The following IKZF2 variants were observed in gnomAD, a reference collection of about 807,000 sequenced individuals.
IKZF2 encodes the protein IKAROS family zinc finger 2, also known as zinc finger protein Helios.
Under a neutral mutation model 49.2 loss-of-function variants are expected in IKZF2, and 15 were observed. The observed-to-expected ratio is 0.30, with a 90% CI of 0.20 to 0.47. IKZF2 has a LOEUF of 0.47. Among genes scored for constraint, IKZF2 ranks in the 20% least tolerant of loss-of-function variants. IKZF2 has a pLI of 1.00. For synonymous variants in IKZF2, 227 were observed against 221.4 expected (o/e 1.03, Z -0.23); for missense variants, 567 against 664.6 (o/e 0.85, Z 1.61).
At chr2:213,081,664 ATG>A (rs1703968875) in intron 4 of IKZF2, among the ~76,000 whole-genome samples, 1 of 152,200 alleles carries the variant, frequency 6.6e-6, no homozygotes, top group African/African-American at 2.4e-5. Context: ...GGGGAATAAC[ATG>A]TGCGAATGCA....
chr2:213,101,251 T>C (rs1706623950), intron 4 of IKZF2, among the ~76,000 whole-genome samples: 1 of 152,130 alleles, frequency 6.6e-6, no homozygotes, highest in Non-Finnish European at 1.5e-5. Flanking sequence ...AATGTTTTCA[T>C]TAGTTATTTA....
At chr2:213,051,336 C>T (rs1700655981) in intron 5 of IKZF2, among the ~76,000 whole-genome samples, 3 of 151,836 alleles carry the variant, frequency 2.0e-5, no homozygotes, top group Admixed American at 1.3e-4. Context: ...TAATGAGGTA[C>T]ATACCAAAAA....
At chr2:213,023,793 C>T (rs936212762) in intron 6 of IKZF2, among the ~76,000 whole-genome samples, 1 of 152,162 alleles carries the variant, frequency 6.6e-6, no homozygotes, top group African/African-American at 2.4e-5. Context: ...TAATAGCCCG[C>T]TGTAAACTAC....
intron 4 of IKZF2, among the ~76,000 whole-genome samples, chr2:213,067,714 T>C (rs1465814589): frequency 1.3e-5 from 2 of 152,110 alleles, no homozygotes; most frequent in African/African-American, 2.4e-5. Flanking sequence ...ACAAGACAGA[T>C]ACATTCCCTG....
At chr2:213,091,877 G>A (rs1393637828) in intron 4 of IKZF2, among the ~76,000 whole-genome samples, 1 of 151,616 alleles carries the variant, frequency 6.6e-6, no homozygotes, top group Non-Finnish European at 1.5e-5. Context: ...GTGAAAGAGA[G>A]TATAAGCTGT....
intron 6 of IKZF2, among the ~76,000 whole-genome samples, chr2:213,028,163 C>A (rs969597873): frequency 5.9e-5 from 9 of 151,972 alleles, no homozygotes; most frequent in Non-Finnish European, 1.0e-4. Flanking sequence ...TCCTTTCCCC[C>A]CTTAAATTAT....
chr2:213,047,220 T>C (rs1301973579), intron 6 of IKZF2, among the ~76,000 whole-genome samples: 1 of 152,192 alleles, frequency 6.6e-6, no homozygotes, highest in African/African-American at 2.4e-5. Flanking sequence ...AGGAAACTCC[T>C]TTTTATGGCA....
chr2:213,124,616 C>T (rs2060197005), intron 4 of IKZF2, among the ~76,000 whole-genome samples: 1 of 152,246 alleles, frequency 6.6e-6, no homozygotes, highest in South Asian at 2.1e-4. Flanking sequence ...ACTTTCTCTG[C>T]TCTCAAGAGT....
At chr2:213,087,887 T>G (rs1574798242) in intron 4 of IKZF2, among the ~76,000 whole-genome samples, 1 of 152,258 alleles carries the variant, frequency 6.6e-6, no homozygotes, top group Admixed American at 6.5e-5. Context: ...TGCCACATTT[T>G]CTTAATCCAG....
chr2:213,009,429 A>T (rs536924918), intron 8 of IKZF2, among the ~76,000 whole-genome samples: 37 of 152,104 alleles, frequency 2.4e-4, no homozygotes, highest in Non-Finnish European at 5.1e-4. Context: ...CTTCTTAAAA[A>T]CATATGTGGG....
intron 4 of IKZF2, among the ~76,000 whole-genome samples, chr2:213,116,718 G>T (rs1397447073): frequency 6.6e-6 from 1 of 152,166 alleles, no homozygotes; most frequent in Admixed American, 6.5e-5. Flanking sequence ...AAGCCTGGGT[G>T]ACAGAGTGAG....
chr2:213,119,862 G>A (rs2059993922), intron 4 of IKZF2, among the ~76,000 whole-genome samples: 1 of 152,186 alleles, frequency 6.6e-6, no homozygotes, highest in South Asian at 2.1e-4. Context: ...TTAGTTAGTA[G>A]TCAGTAAGTA....
chr2:213,063,454 G>A (rs1336871733), intron 4 of IKZF2, among the ~76,000 whole-genome samples: 1 of 151,822 alleles, frequency 6.6e-6, no homozygotes, highest in South Asian at 2.1e-4. Flanking sequence ...TCAGCCACTA[G>A]TACCATCTAA....
chr2:213,052,595 G>T lies in IKZF2; in HGVS notation c.407-2715C>A, dbSNP rs888735958. ...TTTATTGTGTTCCAAACTAAAGTTA[G>T]TTGGAATCATAATGAAACCCTCAAA... On this transcript the variant is annotated intron_variant, in intron 5 of 8. Transcript: ENST00000434687. Among the ~76,000 whole-genome samples the T allele has an allele frequency of 4.6e-5, 7 of 152,066 alleles. No homozygotes were observed. The East Asian group carries it at 1.4e-3, about 29-fold the overall frequency.
intron 7 of IKZF2, among the ~76,000 whole-genome samples, chr2:213,015,440 G>T (rs1056350882): frequency 1.3e-5 from 2 of 151,998 alleles, no homozygotes; most frequent in Non-Finnish European, 2.9e-5. Context: ...TATGTCCCAA[G>T]ATATTATGTA....
intron 6 of IKZF2, among the ~76,000 whole-genome samples, chr2:213,041,265 G>T (rs980029017): frequency 5.4e-5 from 8 of 148,978 alleles, no homozygotes; most frequent in Non-Finnish European, 3.0e-5. Context: ...TTTATGTAAT[G>T]TATCTCTGGG....
intron 8 of IKZF2, among the ~76,000 whole-genome samples, chr2:213,009,130 C>T (rs1214040492): frequency 6.6e-6 from 1 of 152,160 alleles, no homozygotes; most frequent in East Asian, 1.9e-4. Context: ...CTGGTACGTA[C>T]ACCCATTGCT....
At chr2:213,027,607 T>C (rs1559178616) in intron 6 of IKZF2, among the ~76,000 whole-genome samples, 1 of 152,134 alleles carries the variant, frequency 6.6e-6, no homozygotes, top group African/African-American at 2.4e-5. Context: ...TATCCAGAAC[T>C]TTCCTTTGTC....
chr2:213,147,710 C>T lies in IKZF2; in HGVS notation c.137G>A (p.Ser46Asn), dbSNP rs765175703. ...AAAATCATAAAATGAAGACTTACTG[C>T]TTGTCATGTGACTTGGTGAGGCATG... ...GQHASPSHMT[S>N]TNSVKLEMQS... The change falls in exon 4 of 9, where the codon AGC (serine) becomes AAC (asparagine). Residue 46 changes from serine (S) to asparagine (N), a missense_variant and splice_region_variant. Around this residue, in one of 5 missense-constraint regions of IKZF2, gnomAD observed 156 missense variants for 138.5 expected, o/e 1.13. Transcript: ENST00000434687. 3 of 1,611,114 alleles carry T rather than the reference C, an allele frequency of 1.9e-6. No homozygotes were observed. Among genetic ancestry groups the T allele is most frequent in the African/African-American group, 1.3e-5 (1 of 74,844 alleles).
Sources: gnomAD v4.1 joint callset for allele counts (sites outside exome capture counted in the v4.1 genomes callset) on GRCh38, gnomAD v4.1.1 for gene constraint, gnomAD v4.1.1 regional missense constraint, MANE v1.5 for transcripts, NCBI Gene and HGNC (gene_info 2026-07-23, HGNC 2026-07-21) for gene names.